ZBTB20: variants seen among roughly 807,000 people sequenced by gnomAD.
ZBTB20 encodes zinc finger and BTB domain-containing protein 20.
A neutral mutation model predicts 56.9 loss-of-function variants in ZBTB20; 9 were observed. That is an observed-to-expected ratio of 0.16 (90% CI 0.10 to 0.28). The LOEUF is 0.28. Among genes scored for constraint, ZBTB20 ranks in the 10% least tolerant of loss-of-function variants. The probability of loss-of-function intolerance (pLI) is 1.00; values close to 1 mark genes in which losing one functional copy is unlikely to be tolerated. For synonymous variants in ZBTB20, 417 were observed against 420.7 expected (o/e 0.99, Z 0.11); for missense variants, 655 against 1,003.0 (o/e 0.65, Z 4.69).
chr3:114,680,274 T>TA (rs1324857075), intron 6 of ZBTB20, among the ~76,000 whole-genome samples: 1 of 152,172 alleles, frequency 6.6e-6, no homozygotes, highest in Admixed American at 6.5e-5. Flanking sequence ...CCCCAGAACT[T>TA]AAAGTATAAC....
In ZBTB20 at chr3:114,831,152, G is replaced by A. The variant is rs190067411; in HGVS notation, c.-416-29978C>T. Among the ~76,000 whole-genome samples, 183 of 108,634 alleles carry A rather than the reference G, an allele frequency of 1.7e-3. No homozygotes were observed. In the Middle Eastern group the frequency reaches 0.074, roughly 44 times the overall value. The allele number at this position is 108,634 out of a possible 152,430, so 71.3% of individuals were successfully genotyped here. ...CTCCAACCTTTTTAAAATATAATGG[G>A]TTTATCCGCTATTTACATATATTTT... On this transcript the variant is annotated intron_variant, in intron 4 of 11. Transcript: ENST00000675478.
intron 3 of ZBTB20, among the ~76,000 whole-genome samples, chr3:114,955,325 T>A (rs2077209564): frequency 2.0e-5 from 3 of 152,220 alleles, no homozygotes; most frequent in Admixed American, 6.6e-5. Flanking sequence ...TGGTTGAGGA[T>A]CAATATAAAC....
In ZBTB20 at chr3:114,327,306, A is replaced by G. The variant is rs1328287332; in HGVS notation, c.*11699T>C. On this transcript the variant is annotated 3_prime_UTR_variant, in exon 12 of 12. Coordinates refer to ENST00000675478, the MANE Select transcript of ZBTB20 (RefSeq NM_001348800.3). ...AGAAGGCATCCCAGATTGAGGACCA[A>G]GTAAGATCTATCAGAACCAGAGCCT... is the stretch of plus-strand genomic sequence containing the variant. 6.6e-6 allele frequency: 1 copy of G among 152,314 alleles called. No homozygotes were observed. The highest frequency in any genetic ancestry group is 1.9e-4 in the East Asian group (1 of 5,192). 9.4% of individuals were successfully genotyped at this position (152,314 alleles called of 1,614,324 possible).
intron 3 of ZBTB20, among the ~76,000 whole-genome samples, chr3:114,928,237 C>T (rs932371514): frequency 5.3e-5 from 8 of 152,330 alleles, no homozygotes; most frequent in East Asian, 1.9e-4. Flanking sequence ...CTGAGGCATC[C>T]GGGGCACACC....
At chr3:114,760,194 G>C (rs1339191449) in intron 5 of ZBTB20, among the ~76,000 whole-genome samples, 1 of 152,066 alleles carries the variant, frequency 6.6e-6, no homozygotes, top group African/African-American at 2.4e-5. Flanking sequence ...GTTTGAGACT[G>C]CAAATTTATT....
At chr3:115,121,055 G>A (rs1337661201) in intron 1 of ZBTB20, among the ~76,000 whole-genome samples, 3 of 151,972 alleles carry the variant, frequency 2.0e-5, no homozygotes, top group African/African-American at 7.2e-5. Flanking sequence ...TGTCATTAAG[G>A]TAATAATTCA....
chr3:114,751,151 G>A (rs1276956687), intron 5 of ZBTB20, among the ~76,000 whole-genome samples: 1 of 152,006 alleles, frequency 6.6e-6, no homozygotes, highest in Non-Finnish European at 1.5e-5. Context: ...CAAATCATAT[G>A]TGTTATATAT....
At chr3:114,975,770 C>T (rs2078072739) in intron 2 of ZBTB20, among the ~76,000 whole-genome samples, 1 of 152,074 alleles carries the variant, frequency 6.6e-6, no homozygotes, top group Non-Finnish European at 1.5e-5. Flanking sequence ...GTGGAGGACA[C>T]CTTTGAGAAA....
chr3:114,866,954 C>A (rs1312715270), intron 4 of ZBTB20, among the ~76,000 whole-genome samples: 1 of 152,130 alleles, frequency 6.6e-6, no homozygotes, highest in Non-Finnish European at 1.5e-5. Context: ...CTCTTCTATA[C>A]AGGTATACAT....
chr3:114,741,602 C>T (rs1035045829), intron 5 of ZBTB20, among the ~76,000 whole-genome samples: 11 of 152,010 alleles, frequency 7.2e-5, no homozygotes, highest in Admixed American at 2.0e-4. Context: ...GAGGCCGGTG[C>T]GGTGGCTCAC....
chr3:114,494,029 G>A lies in ZBTB20; in HGVS notation c.-255+6323C>T, dbSNP rs533903875. On this transcript the variant is annotated intron_variant, in intron 7 of 11. Coordinates refer to ENST00000675478, the MANE Select transcript of ZBTB20 (RefSeq NM_001348800.3). The stretch of plus-strand genomic sequence containing the variant: ...TGTTCTTATAAAATAAATCAAACAT[G>A]TTAAATCTCAGTTTTCTGATCTGCA... Among the ~76,000 whole-genome samples the A allele has an allele frequency of 1.1e-3, 160 of 152,234 alleles. 2 individuals carry two copies. Among genetic ancestry groups the A allele is most frequent in the East Asian group, 2.1e-3 (11 of 5,178 alleles).
chr3:114,989,046 T>G (rs2078682508), intron 2 of ZBTB20, among the ~76,000 whole-genome samples: 1 of 152,186 alleles, frequency 6.6e-6, no homozygotes, highest in African/African-American at 2.4e-5. Context: ...TCCCATTCTG[T>G]AGGTTGCCTG....
At chr3:115,026,960 T>C (rs1368698988) in intron 2 of ZBTB20, among the ~76,000 whole-genome samples, 1 of 150,920 alleles carries the variant, frequency 6.6e-6, no homozygotes, top group East Asian at 1.9e-4. Flanking sequence ...TGAATCTCAG[T>C]ATTTTTGCTT....
At chr3:114,836,319 T>G (rs537990732) in intron 4 of ZBTB20, among the ~76,000 whole-genome samples, 52 of 152,162 alleles carry the variant, frequency 3.4e-4, no homozygotes, top group Non-Finnish European at 7.2e-4. Flanking sequence ...ACTTACAAAT[T>G]CTCAAATAGC....
At chr3:114,399,016 T>C (rs968017000) in intron 7 of ZBTB20, among the ~76,000 whole-genome samples, 1 of 152,160 alleles carries the variant, frequency 6.6e-6, no homozygotes, top group Admixed American at 6.5e-5. Context: ...CAGGGCAGGT[T>C]GTCTCGGGCT....
chr3:114,982,900 C>T (rs963620040), intron 2 of ZBTB20, among the ~76,000 whole-genome samples: 1 of 151,796 alleles, frequency 6.6e-6, no homozygotes, highest in Non-Finnish European at 1.5e-5. Context: ...GGAATGAGAA[C>T]CTGGTTTAAT....
chr3:115,046,611 T>C (rs1275935329), intron 2 of ZBTB20, among the ~76,000 whole-genome samples: 1 of 152,200 alleles, frequency 6.6e-6, no homozygotes, highest in African/African-American at 2.4e-5. Flanking sequence ...CTTGAAATTA[T>C]AGGAATAGTT....
intron 7 of ZBTB20, among the ~76,000 whole-genome samples, chr3:114,422,096 C>G (rs1374034091): frequency 1.3e-5 from 2 of 152,128 alleles, no homozygotes; most frequent in Admixed American, 6.6e-5. Context: ...AATTCTTTCA[C>G]TATTTAAATC....
intron 4 of ZBTB20, among the ~76,000 whole-genome samples, chr3:114,843,329 G>A (rs932779674): frequency 6.6e-6 from 1 of 152,112 alleles, no homozygotes; most frequent in Non-Finnish European, 1.5e-5. Context: ...GTCCAGATTT[G>A]AAGGCAAGGA....
Sources: gnomAD v4.1 joint callset for allele counts (sites outside exome capture counted in the v4.1 genomes callset) on GRCh38, gnomAD v4.1.1 for gene constraint, MANE v1.5 for transcripts, NCBI Gene and HGNC (gene_info 2026-07-23, HGNC 2026-07-21) for gene names.